The following TMX3 variants were observed in gnomAD, a reference collection of about 807,000 sequenced individuals.
TMX3 encodes the protein protein disulfide-isomerase TMX3.
TMX3 carries 40 observed loss-of-function variants against 64.4 expected under a neutral mutation model. That is an observed-to-expected ratio of 0.62 (90% confidence interval 0.48 to 0.81). The LOEUF (loss-of-function observed/expected upper bound fraction) is 0.81, where lower values mean the gene tolerates loss of function less well. TMX3 is among the 30% of genes least tolerant of loss of function. The pLI is 0.00. For missense variants in TMX3, 497 were observed against 534.5 expected, an observed-to-expected ratio of 0.93 and a Z score of 0.69; for synonymous variants, 189 against 175.7, an observed-to-expected ratio of 1.08 and a Z score of -0.60.
intron 10 of TMX3, among the ~76,000 whole-genome samples, chr18:68,685,309 G>C (rs992043013): frequency 6.6e-6 from 1 of 152,170 alleles, no homozygotes; most frequent in Non-Finnish European, 1.5e-5. Context: ...ATACATGTAG[G>C]ATTAAATCCA....
intron 6 of TMX3, 135 bp downstream of exon 6, chr18:68,700,270 C>A: frequency 1.9e-6 from 1 of 536,094 alleles, no homozygotes; most frequent in South Asian, 4.1e-5. Flanking sequence ...ATCCTATCTT[C>A]TCTCATAAGT....
intron 4 of TMX3, 142 bp from the exon 5 acceptor site, chr18:68,701,932 T>A: frequency 5.0e-6 from 3 of 596,232 alleles, no homozygotes; most frequent in African/African-American, 1.9e-5. Context: ...GATTATAAAA[T>A]CACACAAAAG....
intron 5 of TMX3, chr18:68,701,038 TG>T: frequency 5.1e-6 from 5 of 983,674 alleles, no homozygotes; most frequent in Non-Finnish European, 6.0e-6. Context: ...AAGGAAAAAT[TG>T]GGAAGCACAA....
chr18:68,693,084 T>G (rs1914679256), intron 8 of TMX3, among the ~76,000 whole-genome samples: 1 of 152,260 alleles, frequency 6.6e-6, no homozygotes, highest in African/African-American at 2.4e-5. Context: ...GTTCAGATTC[T>G]AGTCCATTTT....
intron 12 of TMX3, among the ~76,000 whole-genome samples, chr18:68,683,488 G>A (rs565822920): frequency 1.3e-3 from 194 of 151,994 alleles, no homozygotes; most frequent in African/African-American, 4.1e-3. Context: ...ATGTATTTCC[G>A]ATGCCATTTT....
chr18:68,690,421 G>C (rs1204785896), intron 9 of TMX3, among the ~76,000 whole-genome samples: 1 of 152,148 alleles, frequency 6.6e-6, no homozygotes, highest in Non-Finnish European at 1.5e-5. Context: ...CTTTGTGGTG[G>C]CCTACAGATG....
rs1913604318 is a variant in TMX3, at chr18:68,683,081, T to G, written c.849-100A>C. 1.5e-5 allele frequency: 17 copies of G among 1,143,394 alleles called. 2 individuals carry two copies. In the South Asian group the frequency reaches 2.4e-4, roughly 16 times the overall value. The allele number at this position is 1,143,394 out of a possible 1,614,324, so 70.8% of individuals were successfully genotyped here. A position where few individuals can be genotyped will look rare whatever the true frequency, so the allele number is the denominator to read the frequency against. On this transcript the variant is annotated intron_variant, in intron 12 of 15. Transcript: ENST00000299608. ...AATAGTAAAAAAGTAAATAAAACAA[T>G]GAAGTTAAATTCAGGCCTCAGTAGG...
intron 10 of TMX3, among the ~76,000 whole-genome samples, chr18:68,684,919 A>G (rs80349808): frequency 0.011 from 1,675 of 152,348 alleles, 38 homozygotes; most frequent in African/African-American, 0.038. Flanking sequence ...GTCTAGAAGA[A>G]TAAGAAAATG....
chr18:68,682,441 G>A (rs773171096), intron 13 of TMX3, among the ~76,000 whole-genome samples: 3 of 152,020 alleles, frequency 2.0e-5, no homozygotes, highest in Non-Finnish European at 2.9e-5. Flanking sequence ...AGAACAATTC[G>A]TTTTTGAATG....
At chr18:68,677,921 C>A (rs1471836474) in intron 15 of TMX3, among the ~76,000 whole-genome samples, 1 of 152,072 alleles carries the variant, frequency 6.6e-6, no homozygotes, top group African/African-American at 2.4e-5. Context: ...GACAAGTGAG[C>A]ACCAGGCAAT....
intron 9 of TMX3, among the ~76,000 whole-genome samples, chr18:68,689,534 GTTTC>G (rs1027190119): frequency 3.3e-5 from 5 of 151,682 alleles, no homozygotes; most frequent in South Asian, 2.1e-4. Flanking sequence ...CTTTAATCCT[GTTTC>G]TTTATCTGTA....
intron 4 of TMX3, among the ~76,000 whole-genome samples, chr18:68,709,222 C>T (rs553773340): frequency 2.0e-5 from 3 of 152,238 alleles, no homozygotes; most frequent in African/African-American, 4.8e-5. Context: ...GCAGGCAGAG[C>T]GAGGATTTGA....
At chr18:68,684,131 TA>T in intron 12 of TMX3, 58 bp downstream of exon 12, 1 of 1,309,384 alleles carries the variant, frequency 7.6e-7, no homozygotes, top group Admixed American at 2.0e-5. Flanking sequence ...TTTGCTTTAC[TA>T]AATTACAAAA....
At chr18:68,698,164 C>A in intron 6 of TMX3, 133 bp from the exon 7 acceptor site, 1 of 622,948 alleles carries the variant, frequency 1.6e-6, no homozygotes, top group Non-Finnish European at 2.8e-6. Flanking sequence ...AAGTATATCA[C>A]AAAATCCACA....
chr18:68,676,457 A>G lies in TMX3; in HGVS notation c.*476T>C, dbSNP rs1912934484. On this transcript the variant is annotated 3_prime_UTR_variant, in exon 16 of 16. Coordinates refer to ENST00000299608, the MANE Select transcript of TMX3 (RefSeq NM_019022.5). ...TTAACCTCATAATCTTGATACATGG[A>G]AAAAGTTATTAGTTCTCCTTAAAGT... 1 of 154,774 alleles carries G rather than the reference A, an allele frequency of 6.5e-6. No individual in the cohort carries two copies. Among genetic ancestry groups the G allele is most frequent in the African/African-American group, 2.4e-5 (1 of 41,468 alleles). 9.6% of individuals were successfully genotyped at this position (154,774 alleles called of 1,614,324 possible). A position where few individuals can be genotyped will look rare whatever the true frequency, so the allele number is the denominator to read the frequency against.
At chr18:68,685,287 C>T (rs575406959) in intron 10 of TMX3, among the ~76,000 whole-genome samples, 1 of 152,166 alleles carries the variant, frequency 6.6e-6, no homozygotes, top group African/African-American at 2.4e-5. Context: ...AAACCTGGCT[C>T]AGAGCAGGTA....
chr18:68,712,271 T>C (rs146227438), intron 2 of TMX3, among the ~76,000 whole-genome samples: 36 of 152,328 alleles, frequency 2.4e-4, no homozygotes, highest in Admixed American at 6.5e-4. Flanking sequence ...CACCATGTTC[T>C]ATCTGCTGAG....
rs889861617 is a variant in TMX3 at position 68,674,667 on chromosome 18, G to A, written c.*2266C>T. On this transcript the variant is annotated 3_prime_UTR_variant, in exon 16 of 16. Coordinates refer to ENST00000299608, the MANE Select transcript of TMX3 (RefSeq NM_019022.5). ...TATCACATTGAAGGGAACAGCATACGAGCAAACAAATTTTAGAATCTGTTT... is the reference window on the plus strand; with the variant it reads ...TATCACATTGAAGGGAACAGCATACAAGCAAACAAATTTTAGAATCTGTTT... The A allele has an allele frequency of 3.9e-5, 6 of 152,082 alleles. No homozygotes were observed. Among genetic ancestry groups the A allele is most frequent in the Admixed American group, 3.3e-4 (5 of 15,270 alleles). The allele number at this position is 152,082 out of a possible 1,614,324, so 9.4% of individuals were successfully genotyped here.
chr18:68,700,374 C>T, intron 6 of TMX3, 31 bp downstream of exon 6: 1 of 1,364,650 alleles, frequency 7.3e-7, no homozygotes, highest in Non-Finnish European at 1.0e-6. Flanking sequence ...ATATTAATAA[C>T]ATACAGTAAA....
Sources: gnomAD v4.1 joint callset for allele counts (sites outside exome capture counted in the v4.1 genomes callset) on GRCh38, gnomAD v4.1.1 for gene constraint, MANE v1.5 for transcripts, NCBI Gene and HGNC (gene_info 2026-07-23, HGNC 2026-07-21) for gene names.